Variants in SH3RF1 observed in about 807,000 individuals in gnomAD.
SH3RF1 encodes the protein SH3 domain containing ring finger 1, also known as E3 ubiquitin-protein ligase SH3RF1.
In SH3RF1, 32 loss-of-function variants were observed where a neutral mutation model predicts 74.0. That is an observed-to-expected ratio of 0.43 (90% CI 0.33 to 0.58). The LOEUF (loss-of-function observed/expected upper bound fraction) is 0.58. SH3RF1 is among the 20% of genes least tolerant of loss of function. The probability of loss-of-function intolerance (pLI) is 0.05; values close to 1 mark genes in which losing one functional copy is unlikely to be tolerated. For missense variants in SH3RF1, 954 were observed against 1,130.9 expected (o/e 0.84, Z 2.24); for synonymous variants, 396 against 439.6 (o/e 0.90, Z 1.24).
At chr4:169,187,324 G>C (rs1734622762) in intron 2 of SH3RF1, among the ~76,000 whole-genome samples, 1 of 152,092 alleles carries the variant, frequency 6.6e-6, no homozygotes, top group African/African-American at 2.4e-5. Context: ...CTTCTGAGTA[G>C]CTGAGACTAA....
At position 169,183,829 on chromosome 4, in the gene SH3RF1, C is replaced by T. The variant is rs1189098260; in HGVS notation, c.394-27150G>A. On this transcript the variant is annotated intron_variant, in intron 2 of 11. Coordinates refer to ENST00000284637, the MANE Select transcript of SH3RF1 (RefSeq NM_020870.4). Reference sequence around the variant, plus strand: ...AACAAGAAGCAAATGTGTTAGGACACGACTGCTTGTTGGAAGCCTTTGCTA... The same window carrying T: ...AACAAGAAGCAAATGTGTTAGGACATGACTGCTTGTTGGAAGCCTTTGCTA... Among the ~76,000 whole-genome samples, 8 of 151,340 alleles carry T rather than the reference C, an allele frequency of 5.3e-5. No homozygotes were observed. The East Asian group carries it at 1.2e-3, about 22-fold the overall frequency.
At chr4:169,255,656 C>CAT (rs1179785179) in intron 2 of SH3RF1, among the ~76,000 whole-genome samples, 1 of 151,402 alleles carries the variant, frequency 6.6e-6, no homozygotes, top group African/African-American at 2.4e-5. Flanking sequence ...CACACACACA[C>CAT]ACACACAGAG....
intron 4 of SH3RF1, among the ~76,000 whole-genome samples, chr4:169,154,672 T>C (rs1217884345): frequency 2.0e-5 from 3 of 152,194 alleles, no homozygotes; most frequent in Non-Finnish European, 2.9e-5. Context: ...AGATATCTAC[T>C]AAGACCTCAC....
At chr4:169,138,992 C>T (rs766707101) in intron 4 of SH3RF1, among the ~76,000 whole-genome samples, 1 of 152,166 alleles carries the variant, frequency 6.6e-6, no homozygotes, top group Non-Finnish European at 1.5e-5. Context: ...CACTCTGTTG[C>T]CCTGGCTGAA....
chr4:169,106,044 T>C (rs938123345), intron 11 of SH3RF1, among the ~76,000 whole-genome samples: 4 of 151,876 alleles, frequency 2.6e-5, no homozygotes, highest in African/African-American at 9.7e-5. Flanking sequence ...TTAATGTTAG[T>C]GTGTATATAT....
intron 2 of SH3RF1, among the ~76,000 whole-genome samples, chr4:169,186,549 ATGT>A (rs1231722802): frequency 6.6e-6 from 1 of 151,912 alleles, no homozygotes; most frequent in East Asian, 1.9e-4. Flanking sequence ...AAGTTGACTT[ATGT>A]TGTTTTAGAA....
intron 2 of SH3RF1, among the ~76,000 whole-genome samples, chr4:169,235,599 T>C (rs879572164): frequency 2.0e-5 from 3 of 152,252 alleles, no homozygotes; most frequent in Non-Finnish European, 2.9e-5. Context: ...TTCTTCCGTG[T>C]TATGCTACAT....
At chr4:169,146,147 T>G (rs941160379) in intron 4 of SH3RF1, among the ~76,000 whole-genome samples, 1 of 142,844 alleles carries the variant, frequency 7.0e-6, no homozygotes, top group African/African-American at 2.6e-5. Flanking sequence ...ATCTATATAT[T>G]CTATATAAAA....
chr4:169,163,599 T>C (rs755431733), intron 2 of SH3RF1, among the ~76,000 whole-genome samples: 11 of 152,304 alleles, frequency 7.2e-5, no homozygotes, highest in Non-Finnish European at 1.5e-4. Flanking sequence ...ACATCACCTA[T>C]GTCTTTACAA....
intron 2 of SH3RF1, among the ~76,000 whole-genome samples, chr4:169,230,315 G>A (rs1730715661): frequency 6.6e-6 from 1 of 152,140 alleles, no homozygotes. Context: ...TCAAAATACT[G>A]ACCCTCAAAT....
In SH3RF1 at chr4:169,136,543, C is replaced by T. The variant is rs149855649; in HGVS notation, c.843G>A (p.Ser281=). The part of the protein sequence containing the change: ...VPGVDAGECS[S]AAAQSSTAPK... ...GGGCAGTGCTGCTCTGGGCTGCTGC[C>T]GAGGAACATTCTCCAGCATCAACTC... Residue 281 remains serine (S), a synonymous_variant, in exon 5 of 12, where the codon TCG becomes TCA. Transcript: ENST00000284637. The T allele has an allele frequency of 5.5e-5, 88 of 1,606,064 alleles. 1 individual carries two copies. Among genetic ancestry groups the T allele is most frequent in the African/African-American group, 4.4e-4 (33 of 74,248 alleles).
At chr4:169,192,475 A>C (rs1281059437) in intron 2 of SH3RF1, among the ~76,000 whole-genome samples, 2 of 152,150 alleles carry the variant, frequency 1.3e-5, no homozygotes, top group African/African-American at 4.8e-5. Flanking sequence ...CAATCAAAAA[A>C]TCAAAAAATA....
In SH3RF1 at chr4:169,106,522, C is replaced by T. The variant is rs72985010; in HGVS notation, c.2498+325G>A. Among the ~76,000 whole-genome samples the T allele has an allele frequency of 9.0e-3, 1,341 of 149,710 alleles. 25 individuals are homozygous for T. The highest frequency in any genetic ancestry group is 0.031 in the African/African-American group (1,269 of 40,806). On this transcript the variant is annotated intron_variant, in intron 11 of 11. Transcript: ENST00000284637. ...AAAAAAAGACAGCAATTAGTGGCAA[C>T]GGAATAGAAATAAGAAAGAAGTAAA...
At chr4:169,117,990 AG>A (rs1733366082) in intron 8 of SH3RF1, among the ~76,000 whole-genome samples, 1 of 152,252 alleles carries the variant, frequency 6.6e-6, no homozygotes, top group South Asian at 2.1e-4. Flanking sequence ...CTGAGTCACC[AG>A]AAACCACACG....
At chr4:169,176,699 C>A (rs1322685981) in intron 2 of SH3RF1, among the ~76,000 whole-genome samples, 1 of 152,094 alleles carries the variant, frequency 6.6e-6, no homozygotes, top group Non-Finnish European at 1.5e-5. Flanking sequence ...CACCACCATG[C>A]CTGGCTAATT....
rs1579153861 is a variant in SH3RF1 at position 169,233,270 on chromosome 4, A to C, written c.393+35550T>G. Among the ~76,000 whole-genome samples the C allele has an allele frequency of 4.0e-5, 6 of 151,712 alleles. No homozygotes were observed. The South Asian group carries it at 1.3e-3, about 32-fold the overall frequency. ...TCTCAAAAAAAAAAAAAAAAAAAAAAAAACCGTGGTTTACTCAGAACAGTT... is the reference window on the plus strand; with the variant it reads ...TCTCAAAAAAAAAAAAAAAAAAAAACAAACCGTGGTTTACTCAGAACAGTT... On this transcript the variant is annotated intron_variant, in intron 2 of 11. Transcript: ENST00000284637.
At chr4:169,255,281 T>C (rs1253306667) in intron 2 of SH3RF1, among the ~76,000 whole-genome samples, 2 of 152,222 alleles carry the variant, frequency 1.3e-5, no homozygotes, top group Non-Finnish European at 2.9e-5. Flanking sequence ...AAAAAATATA[T>C]AAATTTATTG....
chr4:169,179,476 C>T (rs531902465), intron 2 of SH3RF1, among the ~76,000 whole-genome samples: 2 of 152,272 alleles, frequency 1.3e-5, no homozygotes, highest in African/African-American at 4.8e-5. Flanking sequence ...AAAACTAATA[C>T]AACCATATGA....
intron 2 of SH3RF1, among the ~76,000 whole-genome samples, chr4:169,242,245 C>T (rs892954946): frequency 2.0e-5 from 3 of 152,034 alleles, no homozygotes; most frequent in South Asian, 2.1e-4. Flanking sequence ...AATTTAATCA[C>T]AAATATAAAA....
Sources: gnomAD v4.1 joint callset for allele counts (sites outside exome capture counted in the v4.1 genomes callset) on GRCh38, gnomAD v4.1.1 for gene constraint, MANE v1.5 for transcripts, NCBI Gene and HGNC (gene_info 2026-07-23, HGNC 2026-07-21) for gene names.